The following MEGF6 variants were observed in gnomAD, a reference collection of about 807,000 sequenced individuals.
The protein encoded by MEGF6 is multiple EGF like domains 6.
Under a neutral mutation model 207.1 loss-of-function variants are expected in MEGF6, and 184 were observed. The observed-to-expected ratio is 0.89, with a 90% CI of 0.79 to 1.00. The LOEUF (loss-of-function observed/expected upper bound fraction) is 1.00, where lower values mean the gene tolerates loss of function less well. MEGF6 is among the 50% of genes least tolerant of loss of function. The pLI, the probability that MEGF6 is intolerant of heterozygous loss-of-function variation, is 0.00. For synonymous variants in MEGF6, 1,038 were observed against 910.0 expected, an observed-to-expected ratio of 1.14 and a Z score of -2.53; for missense variants, 2,282 against 2,202.9, an observed-to-expected ratio of 1.04 and a Z score of -0.72.
In MEGF6 at chr1:3,488,961, A is replaced by G. The variant is rs1013251134; in HGVS notation, c.*1567T>C. Among the ~76,000 whole-genome samples the G allele has an allele frequency of 1.3e-5, 2 of 151,922 alleles. No homozygotes were observed. The highest frequency in any genetic ancestry group is 1.3e-4 in the Admixed American group (2 of 15,272). ...ATGTGAATGAACACCTCCCTTACCC[A>G]TTTCCATTCATCTATCTCTGTACGT... On this transcript the variant is annotated 3_prime_UTR_variant, in exon 37 of 37. Coordinates refer to ENST00000356575, the MANE Select transcript of MEGF6 (RefSeq NM_001409.4).
intron 4 of MEGF6, among the ~76,000 whole-genome samples, chr1:3,537,945 A>C (rs1299199897): frequency 6.6e-6 from 1 of 152,180 alleles, no homozygotes; most frequent in Admixed American, 6.5e-5. Context: ...CACCCAGAGC[A>C]GCAAGGGGCA....
intron 3 of MEGF6, among the ~76,000 whole-genome samples, chr1:3,588,542 G>C (rs1432850989): frequency 5.4e-5 from 8 of 148,600 alleles, no homozygotes; most frequent in Non-Finnish European, 1.2e-4. Context: ...GTGGCCAGGA[G>C]GGGGCAGGAG....
In MEGF6 at chr1:3,494,483, G is replaced by A. The variant is rs754128511; in HGVS notation, c.4017C>T (p.Arg1339=). The A allele has an allele frequency of 2.5e-6, 4 of 1,588,574 alleles. No individual in the cohort carries two copies. Among genetic ancestry groups the A allele is most frequent in the Non-Finnish European group, 3.4e-6 (4 of 1,171,456 alleles). Residue 1339 remains arginine, a synonymous_variant, in exon 32 of 37, where the codon CGC becomes CGT. Transcript: ENST00000356575. Reference sequence around the variant, plus strand: ...ACTCCAGATGGCAGGCGGCTCCGTAGCGCCCAGGGGGACAGGCTGGGGACA... The same window carrying A: ...ACTCCAGATGGCAGGCGGCTCCGTAACGCCCAGGGGGACAGGCTGGGGACA... The part of the protein sequence containing the change: ...RHCELACPPG[R]YGAACHLECS...
intron 4 of MEGF6, among the ~76,000 whole-genome samples, chr1:3,534,838 C>T (rs574567151): frequency 6.6e-6 from 1 of 152,286 alleles, no homozygotes; most frequent in South Asian, 2.1e-4. Context: ...ATACCCCCAC[C>T]TCAGCACCCC....
At chr1:3,506,051 C>A (rs756917120) in intron 15 of MEGF6, 57 bp downstream of exon 15, 1 of 1,529,282 alleles carries the variant, frequency 6.5e-7, no homozygotes, top group Middle Eastern at 1.7e-4. Flanking sequence ...AGGACATGGA[C>A]CATCCCTTCC....
chr1:3,498,266 C>A, intron 26 of MEGF6, 105 bp downstream of exon 26: 1 of 1,389,630 alleles, frequency 7.2e-7, no homozygotes, highest in Non-Finnish European at 9.5e-7. Context: ...AACAGGTCCC[C>A]TGGTGAGGCC....
In MEGF6 at chr1:3,536,178, A is replaced by C. The variant is rs1363621142; in HGVS notation, c.482-11932T>G. ...GCATCCTTCAAAGACACCAACTCAGAGGTCACCTCTGCAAAGCCTCCCCAG... is the reference window on the plus strand; with the variant it reads ...GCATCCTTCAAAGACACCAACTCAGCGGTCACCTCTGCAAAGCCTCCCCAG... On this transcript the variant is annotated intron_variant, in intron 4 of 36. Transcript: ENST00000356575. Among the ~76,000 whole-genome samples, 4 of 152,096 alleles carry C rather than the reference A, an allele frequency of 2.6e-5. No homozygotes were observed. In the East Asian group the frequency reaches 5.8e-4, roughly 22 times the overall value.
Position 3,565,185 on chromosome 1 carries a change from C to T in MEGF6, c.481+14640G>A, listed in dbSNP as rs1293223041. Among the ~76,000 whole-genome samples the T allele has an allele frequency of 6.6e-6, 1 of 152,104 alleles. No homozygotes were observed. Among genetic ancestry groups the T allele is most frequent in the Non-Finnish European group, 1.5e-5 (1 of 68,008 alleles). On this transcript the variant is annotated intron_variant, in intron 4 of 36. Transcript: ENST00000356575. The surrounding 1 kb of genome is among the most constrained non-coding windows in gnomAD (Gnocchi z 4.8). Reference sequence around the variant, plus strand: ...ACCCTGGAACCCCCTGCCTGGGTCTCGTCCTCTCTCCCACTGTGTCCCCGA... The same window carrying T: ...ACCCTGGAACCCCCTGCCTGGGTCTTGTCCTCTCTCCCACTGTGTCCCCGA...
chr1:3,592,505 C>T (rs2101831664), intron 3 of MEGF6, among the ~76,000 whole-genome samples: 1 of 152,278 alleles, frequency 6.6e-6, no homozygotes, highest in South Asian at 2.1e-4. Context: ...AGCATCCCAG[C>T]CATGAGCTCC....
chr1:3,537,706 G>T (rs1325643644), intron 4 of MEGF6, among the ~76,000 whole-genome samples: 2 of 152,240 alleles, frequency 1.3e-5, no homozygotes, highest in Non-Finnish European at 2.9e-5. Flanking sequence ...TGAGATTCTT[G>T]GTCCTCTCAT....
Position 3,527,985 on chromosome 1 carries a change from TC to T in MEGF6, c.482-3740del, listed in dbSNP as rs562959336. Among the ~76,000 whole-genome samples, 3 of 152,308 alleles carry T rather than the reference TC, an allele frequency of 2.0e-5. No individual in the cohort carries two copies. The East Asian group carries it at 5.8e-4, about 29-fold the overall frequency. ...AGCCCTTCTCACCCCAGCAGCACCA[TC>T]TGGCAGTGGCAGGGGGCTGTGGTGG... On this transcript the variant is annotated intron_variant, in intron 4 of 36. Coordinates refer to ENST00000356575, the MANE Select transcript of MEGF6 (RefSeq NM_001409.4).
intron 2 of MEGF6, among the ~76,000 whole-genome samples, chr1:3,600,592 C>T (rs746209485): frequency 1.9e-4 from 29 of 152,154 alleles, no homozygotes; most frequent in Non-Finnish European, 2.9e-4. Flanking sequence ...AGTCTTGCCG[C>T]GTGGAGTGAT....
intron 3 of MEGF6, among the ~76,000 whole-genome samples, chr1:3,584,611 C>T (rs12043059): frequency 0.17 from 26,219 of 152,228 alleles, 2,404 homozygotes; most frequent in East Asian, 0.29. Flanking sequence ...GCCTCATGGC[C>T]TGTGTTCCCC....
chr1:3,535,221 C>T (rs1642289500), intron 4 of MEGF6, among the ~76,000 whole-genome samples: 1 of 152,166 alleles, frequency 6.6e-6, no homozygotes, highest in Non-Finnish European at 1.5e-5. Context: ...GGAGGGCAGC[C>T]AACAGAGCAG....
At chr1:3,511,914 G>GC in intron 8 of MEGF6, 92 bp downstream of exon 8, 1 of 1,577,082 alleles carries the variant, frequency 6.3e-7, no homozygotes, top group Non-Finnish European at 8.6e-7. Flanking sequence ...TGACAAGGAA[G>GC]CCCTGCCCTT....
rs1643326298 is a variant in MEGF6 at position 3,565,724 on chromosome 1, C to T, written c.481+14101G>A. Among the ~76,000 whole-genome samples the T allele has an allele frequency of 6.6e-6, 1 of 152,106 alleles. No homozygotes were observed. The highest frequency in any genetic ancestry group is 1.5e-5 in the Non-Finnish European group (1 of 67,980). On this transcript the variant is annotated intron_variant, in intron 4 of 36. Coordinates refer to ENST00000356575, the MANE Select transcript of MEGF6 (RefSeq NM_001409.4). The surrounding 1 kb of genome is among the most constrained non-coding windows in gnomAD (Gnocchi z 4.8). ...AGGGGCCTGTGTGTGCCAAAGCCCA[C>T]TGCAGTTTCCCAGGAGGGCAGGGGA...
chr1:3,493,949 G>T, intron 33 of MEGF6, 47 bp downstream of exon 33: 1 of 1,582,392 alleles, frequency 6.3e-7, no homozygotes, highest in Non-Finnish European at 8.6e-7. Context: ...GCACCCAGAC[G>T]GGACGGGGCC....
chr1:3,497,734 C>T, intron 26 of MEGF6: 1 of 390,556 alleles, frequency 2.6e-6, no homozygotes, highest in East Asian at 7.3e-5. Context: ...GCGACGGGAG[C>T]CAGCGACAGC....
intron 2 of MEGF6, among the ~76,000 whole-genome samples, chr1:3,600,607 G>A (rs1294174695): frequency 5.3e-5 from 8 of 152,300 alleles, no homozygotes; most frequent in Non-Finnish European, 8.8e-5. Flanking sequence ...AGTGATATCT[G>A]GACCTGGCAT....
Sources: gnomAD v4.1 joint callset for allele counts (sites outside exome capture counted in the v4.1 genomes callset) on GRCh38, gnomAD v4.1.1 for gene constraint, Gnocchi (gnomAD v3.1) non-coding constraint, MANE v1.5 for transcripts, NCBI Gene and HGNC (gene_info 2026-07-23, HGNC 2026-07-21) for gene names.